Variants in CD226 observed in about 807,000 individuals in gnomAD.
The protein encoded by CD226 is CD226 antigen.
CD226 carries 24 observed loss-of-function variants against 34.9 expected under a neutral mutation model. The observed-to-expected ratio is 0.69, with a 90% CI of 0.50 to 0.97. The LOEUF (loss-of-function observed/expected upper bound fraction) is 0.97. Among genes scored for constraint, CD226 ranks in the 50% least tolerant of loss-of-function variants. CD226 has a pLI of 0.00. For synonymous variants in CD226, 148 were observed against 147.4 expected (o/e 1.00, Z -0.03); for missense variants, 397 against 412.7 (o/e 0.96, Z 0.33).
At chr18:69,922,695 A>T (rs1235811871) in intron 2 of CD226, among the ~76,000 whole-genome samples, 1 of 152,190 alleles carries the variant, frequency 6.6e-6, no homozygotes, top group African/African-American at 2.4e-5. Context: ...CAAGAAACAG[A>T]CCAGGCCATT....
At chr18:69,912,821 G>C (rs1354766702) in intron 2 of CD226, among the ~76,000 whole-genome samples, 1 of 152,166 alleles carries the variant, frequency 6.6e-6, no homozygotes. Context: ...GAAATTCAGG[G>C]TAGAGAAGTA....
chr18:69,952,415 C>A (rs971242803), upstream of CD226, among the ~76,000 whole-genome samples: 1 of 152,130 alleles, frequency 6.6e-6, no homozygotes, highest in East Asian at 1.9e-4. Flanking sequence ...CCTTGTACCC[C>A]TTGAATTTAT....
At chr18:69,880,658 T>TC (rs1187997987) in intron 3 of CD226, among the ~76,000 whole-genome samples, 1 of 150,308 alleles carries the variant, frequency 6.7e-6, no homozygotes, top group East Asian at 2.0e-4. Flanking sequence ...GATTTCTTTT[T>TC]TTTTTTTTTT....
chr18:69,947,186 C>T (rs1050999309), intron 1 of CD226, 117 bp from the exon 2 acceptor site: 1 of 1,009,296 alleles, frequency 9.9e-7, no homozygotes, highest in Non-Finnish European at 1.5e-6. Context: ...ACAGTTTCTG[C>T]CTTTGTCTAA....
chr18:69,951,737 A>G (rs2055855756), upstream of CD226, among the ~76,000 whole-genome samples: 2 of 152,242 alleles, frequency 1.3e-5, no homozygotes, highest in South Asian at 4.1e-4. Context: ...GCATATACAT[A>G]GACAAATAGA....
rs1176234137 is a variant in CD226 at position 69,863,678 on chromosome 18, A to G, written c.*636T>C. The stretch of plus-strand genomic sequence containing the variant: ...TTTGTTGGTAAACTCTCCAGCTTTG[A>G]GACTCCCCTTTCCTCTTCTAACCAT... On this transcript the variant is annotated 3_prime_UTR_variant, in exon 6 of 6. Coordinates refer to ENST00000582621, the MANE Select transcript of CD226 (RefSeq NM_001303618.2). 1 of 152,192 alleles carries G rather than the reference A, an allele frequency of 6.6e-6. No individual in the cohort carries two copies. Among genetic ancestry groups the G allele is most frequent in the Non-Finnish European group, 1.5e-5 (1 of 68,052 alleles). 9.4% of individuals were successfully genotyped at this position (152,192 alleles called of 1,614,324 possible). A position where few individuals can be genotyped will look rare whatever the true frequency, so the allele number is the denominator to read the frequency against.
At chr18:69,880,468 G>A (rs1207475815) in intron 3 of CD226, among the ~76,000 whole-genome samples, 4 of 152,008 alleles carry the variant, frequency 2.6e-5, no homozygotes, top group Non-Finnish European at 4.4e-5. Flanking sequence ...CTCGCACACT[G>A]TTGAAAGACA....
intron 3 of CD226, among the ~76,000 whole-genome samples, chr18:69,884,864 T>C (rs1240365125): frequency 6.6e-6 from 1 of 152,254 alleles, no homozygotes; most frequent in Non-Finnish European, 1.5e-5. Flanking sequence ...GGGTTGTATC[T>C]ACTTGGCTGT....
chr18:69,859,632 A>G lies in CD226; in HGVS notation c.*4682T>C, dbSNP rs1220939829. 6.6e-6 allele frequency: 1 copy of G among 152,188 alleles called. No homozygotes were observed. The allele number at this position is 152,188 out of a possible 1,614,324, so 9.4% of individuals were successfully genotyped here. On this transcript the variant is annotated 3_prime_UTR_variant, in exon 6 of 6. Transcript: ENST00000582621. The stretch of plus-strand genomic sequence containing the variant: ...TCAGAAAAGTGAACATAAATAAAAT[A>G]ATGAGTTAGAAGTAGTAAAATTTGT...
chr18:69,934,312 G>T (rs9675741), intron 2 of CD226, among the ~76,000 whole-genome samples: 2 of 122,974 alleles, frequency 1.6e-5, no homozygotes, highest in Admixed American at 7.9e-5. Flanking sequence ...ACACACACAC[G>T]CACGCACACC....
intron 2 of CD226, among the ~76,000 whole-genome samples, chr18:69,931,051 C>T (rs1217015493): frequency 1.3e-5 from 2 of 152,026 alleles, no homozygotes; most frequent in African/African-American, 4.8e-5. Flanking sequence ...TACTATGCAG[C>T]CATAAAAAAT....
intron 2 of CD226, among the ~76,000 whole-genome samples, chr18:69,921,171 T>C (rs2055446414): frequency 6.6e-6 from 1 of 152,094 alleles, no homozygotes. Flanking sequence ...CTCATGCAAG[T>C]ATAATCTCTC....
At chr18:69,952,060 G>T (rs1042892266), upstream of CD226, among the ~76,000 whole-genome samples, 5 of 152,140 alleles carry the variant, frequency 3.3e-5, no homozygotes, top group Non-Finnish European at 7.3e-5. Context: ...TAAAGAAACT[G>T]TGGTATATAT....
intron 3 of CD226, among the ~76,000 whole-genome samples, chr18:69,877,471 T>C (rs1376431902): frequency 6.6e-6 from 1 of 152,170 alleles, no homozygotes; most frequent in Non-Finnish European, 1.5e-5. Flanking sequence ...TACGTAGGTA[T>C]GACTGACAAC....
intron 2 of CD226, among the ~76,000 whole-genome samples, chr18:69,930,645 C>G (rs1465310727): frequency 6.6e-6 from 1 of 152,186 alleles, no homozygotes; most frequent in Non-Finnish European, 1.5e-5. Flanking sequence ...GTCGAGACCT[C>G]TAAGTGATAC....
At chr18:69,922,345 G>A (rs940965843) in intron 2 of CD226, among the ~76,000 whole-genome samples, 2 of 152,130 alleles carry the variant, frequency 1.3e-5, no homozygotes, top group African/African-American at 4.8e-5. Flanking sequence ...CCAGTGGTGC[G>A]ATCATAGCTC....
intron 4 of CD226, among the ~76,000 whole-genome samples, chr18:69,868,315 T>C (rs1024584108): frequency 6.6e-6 from 1 of 152,150 alleles, no homozygotes; most frequent in Non-Finnish European, 1.5e-5. Context: ...GATACAGAAA[T>C]GTAATGTTTT....
chr18:69,919,750 A>T (rs966498146), intron 2 of CD226, among the ~76,000 whole-genome samples: 2 of 152,202 alleles, frequency 1.3e-5, no homozygotes, highest in African/African-American at 4.8e-5. Context: ...GTACCAAGAG[A>T]TGTGATTTAC....
chr18:69,906,712 G>A (rs1449438661), intron 2 of CD226, among the ~76,000 whole-genome samples: 3 of 152,204 alleles, frequency 2.0e-5, no homozygotes, highest in African/African-American at 4.8e-5. Context: ...CGTTGTAAGG[G>A]AAAATGGCAA....
Sources: gnomAD v4.1 joint callset for allele counts (sites outside exome capture counted in the v4.1 genomes callset) on GRCh38, gnomAD v4.1.1 for gene constraint, MANE v1.5 for transcripts, NCBI Gene and HGNC (gene_info 2026-07-23, HGNC 2026-07-21) for gene names.